GALNT1: variants seen among roughly 807,000 people sequenced by gnomAD.
The protein encoded by GALNT1 is GalNAc transferase 1.
In GALNT1, 17 loss-of-function variants were observed where a neutral mutation model predicts 65.7. The observed-to-expected ratio is 0.26, with a 90% CI of 0.18 to 0.39. The LOEUF is 0.39. Among genes scored for constraint, GALNT1 ranks in the 10% least tolerant of loss-of-function variants. The pLI, the probability that GALNT1 is intolerant of heterozygous loss-of-function variation, is 1.00. For synonymous variants in GALNT1, 210 were observed against 219.7 expected (o/e 0.96, Z 0.39); for missense variants, 460 against 672.8 (o/e 0.68, Z 3.50).
At chr18:35,627,958 G>C (rs1216436526) in intron 1 of GALNT1, among the ~76,000 whole-genome samples, 1 of 131,774 alleles carries the variant, frequency 7.6e-6, no homozygotes, top group Admixed American at 7.6e-5. Context: ...CGCCCACGGA[G>C]CCTCGCTCAT....
chr18:35,644,788 T>C (rs1354831619), intron 1 of GALNT1, among the ~76,000 whole-genome samples: 1 of 152,040 alleles, frequency 6.6e-6, no homozygotes, highest in African/African-American at 2.4e-5. Context: ...GTGACGCGTT[T>C]GAGACCAGCC....
rs142301504 is a variant in GALNT1, at chr18:35,657,322, G to T, written c.139+2521G>T. Among the ~76,000 whole-genome samples the T allele has an allele frequency of 5.3e-3, 805 of 152,276 alleles. 9 individuals carry two copies. The highest frequency in any genetic ancestry group is 0.018 in the African/African-American group (764 of 41,560). On this transcript the variant is annotated intron_variant, in intron 2 of 11. Coordinates refer to ENST00000269195, the MANE Select transcript of GALNT1 (RefSeq NM_020474.4). ...GTTGCCAGGTTGTTCTCGAACTCCTGACCTCAGGTGATCCACCTGCCTCAG... is the reference window on the plus strand; with the variant it reads ...GTTGCCAGGTTGTTCTCGAACTCCTTACCTCAGGTGATCCACCTGCCTCAG...
chr18:35,634,509 A>G (rs1039196303), intron 1 of GALNT1, among the ~76,000 whole-genome samples: 3 of 152,162 alleles, frequency 2.0e-5, no homozygotes, highest in African/African-American at 7.2e-5. Flanking sequence ...TTCAGAGGCA[A>G]ACAGACACAA....
intron 8 of GALNT1, 107 bp downstream of exon 8, chr18:35,691,299 C>A: frequency 2.2e-6 from 2 of 895,028 alleles, no homozygotes; most frequent in Non-Finnish European, 3.3e-6. Context: ...AGGTGAACAC[C>A]TGCCTCATAA....
upstream of GALNT1, chr18:35,581,019 CTCAGTCCCGGGCCTCCTGCA>C (rs1056996383): frequency 1.6e-4 from 25 of 152,144 alleles, no homozygotes; most frequent in African/African-American, 6.0e-4. Context: ...GCCGTCCTCC[CTCAGTCCCGGGCCTCCTGCA>C]TCGCGGTCGC....
intron 1 of GALNT1, among the ~76,000 whole-genome samples, chr18:35,631,730 T>G (rs965971774): frequency 2.0e-5 from 3 of 152,084 alleles, no homozygotes; most frequent in African/African-American, 4.8e-5. Flanking sequence ...GAGAAAGAAA[T>G]AAAGGGTATT....
chr18:35,611,401 T>C (rs1407219660), intron 1 of GALNT1, among the ~76,000 whole-genome samples: 2 of 152,224 alleles, frequency 1.3e-5, no homozygotes, highest in African/African-American at 2.4e-5. Context: ...AGTTTAACTT[T>C]CAGGTATTTT....
intron 1 of GALNT1, among the ~76,000 whole-genome samples, chr18:35,606,821 T>TTGTTTG (rs1409990975): frequency 6.6e-5 from 9 of 135,592 alleles, no homozygotes; most frequent in Non-Finnish European, 1.3e-4. Flanking sequence ...TGTTGATGTT[T>TTGTTTG]TGTGTGTGTG....
intron 2 of GALNT1, among the ~76,000 whole-genome samples, chr18:35,658,577 G>A (rs2047429353): frequency 6.6e-6 from 1 of 152,182 alleles, no homozygotes; most frequent in African/African-American, 2.4e-5. Flanking sequence ...GGTTCTGCTA[G>A]TGACAAATTT....
chr18:35,588,883 A>G (rs1278210894), intron 1 of GALNT1, among the ~76,000 whole-genome samples: 1 of 150,546 alleles, frequency 6.6e-6, no homozygotes, highest in Non-Finnish European at 1.5e-5. Flanking sequence ...TAATTCTAAC[A>G]TCTCTCTTCT....
intron 3 of GALNT1, among the ~76,000 whole-genome samples, chr18:35,674,450 A>T (rs761904239): frequency 6.6e-6 from 1 of 152,190 alleles, no homozygotes; most frequent in Non-Finnish European, 1.5e-5. Flanking sequence ...GCAACCGCAC[A>T]GTATGAGGGA....
Position 35,711,539 on chromosome 18 carries a change from C to T in GALNT1, c.*1769C>T, listed in dbSNP as rs1245323435. 1 of 152,216 alleles carries T rather than the reference C, an allele frequency of 6.6e-6. No individual in the cohort carries two copies. The highest frequency in any genetic ancestry group is 1.5e-5 in the Non-Finnish European group (1 of 68,030). 9.4% of individuals were successfully genotyped at this position (152,216 alleles called of 1,614,324 possible). A position where few individuals can be genotyped will look rare whatever the true frequency, so the allele number is the denominator to read the frequency against. On this transcript the variant is annotated 3_prime_UTR_variant, in exon 12 of 12. Coordinates refer to ENST00000269195, the MANE Select transcript of GALNT1 (RefSeq NM_020474.4). ...GCTGAATGGAATTTTTTTCCTTTTC[C>T]ATGAGCTGTGTTAATTCTATCTCCA... is the stretch of plus-strand genomic sequence containing the variant.
chr18:35,609,790 C>G (rs2046694230), intron 1 of GALNT1, among the ~76,000 whole-genome samples: 1 of 152,068 alleles, frequency 6.6e-6, no homozygotes, highest in Non-Finnish European at 1.5e-5. Flanking sequence ...AGTATTAATA[C>G]CCTTAGATTC....
chr18:35,673,324 A>T (rs1188726311), intron 3 of GALNT1, among the ~76,000 whole-genome samples: 1 of 152,170 alleles, frequency 6.6e-6, no homozygotes, highest in Non-Finnish European at 1.5e-5. Flanking sequence ...TTCATACTAT[A>T]GTTCTTGACA....
At chr18:35,626,700 TC>T (rs999836158) in intron 1 of GALNT1, among the ~76,000 whole-genome samples, 1 of 152,036 alleles carries the variant, frequency 6.6e-6, no homozygotes, top group African/African-American at 2.4e-5. Flanking sequence ...ATCATGAGGG[TC>T]CTGCGTGCTC....
chr18:35,612,405 TCTG>T (rs1244727381), intron 1 of GALNT1, among the ~76,000 whole-genome samples: 1 of 152,254 alleles, frequency 6.6e-6, no homozygotes, highest in Non-Finnish European at 1.5e-5. Flanking sequence ...GAAAGATAAG[TCTG>T]CTAATTTAAC....
At chr18:35,603,772 C>G (rs2046610862) in intron 1 of GALNT1, among the ~76,000 whole-genome samples, 1 of 152,138 alleles carries the variant, frequency 6.6e-6, no homozygotes, top group African/African-American at 2.4e-5. Context: ...AAACTTTGCC[C>G]TCCCCTGGAA....
chr18:35,641,707 A>G (rs1401389262), intron 1 of GALNT1, among the ~76,000 whole-genome samples: 2 of 152,222 alleles, frequency 1.3e-5, no homozygotes, highest in African/African-American at 4.8e-5. Flanking sequence ...ACGATATAAC[A>G]CATCCACCAC....
intron 1 of GALNT1, among the ~76,000 whole-genome samples, chr18:35,615,295 A>T (rs1283021463): frequency 1.3e-5 from 2 of 152,224 alleles, no homozygotes; most frequent in Admixed American, 6.5e-5. Context: ...AACTCTAAGT[A>T]CGTGGAAAGC....
Sources: gnomAD v4.1 joint callset for allele counts (sites outside exome capture counted in the v4.1 genomes callset) on GRCh38, gnomAD v4.1.1 for gene constraint, MANE v1.5 for transcripts, NCBI Gene and HGNC (gene_info 2026-07-23, HGNC 2026-07-21) for gene names.